The following PTP4A3 variants were observed in gnomAD, a reference collection of about 807,000 sequenced individuals.
PTP4A3 encodes the protein protein tyrosine phosphatase type IVA 3.
A neutral mutation model predicts 15.2 loss-of-function variants in PTP4A3; 9 were observed. The observed-to-expected ratio is 0.59, with a 90% CI of 0.36 to 1.03. The LOEUF (loss-of-function observed/expected upper bound fraction) is 1.03. PTP4A3 is among the 50% of genes least tolerant of loss of function. The pLI is 0.02. For missense variants in PTP4A3, 234 were observed against 252.1 expected (o/e 0.93, Z 0.49); for synonymous variants, 95 against 102.0 (o/e 0.93, Z 0.41).
chr8:141,407,838 A>T (rs1832768317), intron 1 of PTP4A3, among the ~76,000 whole-genome samples: 1 of 152,194 alleles, frequency 6.6e-6, no homozygotes, highest in South Asian at 2.1e-4. Flanking sequence ...AAGTGGTAAG[A>T]TGACAGGCGT....
intron 1 of PTP4A3, among the ~76,000 whole-genome samples, chr8:141,412,115 C>T (rs900452405): frequency 2.0e-5 from 3 of 152,176 alleles, no homozygotes; most frequent in Admixed American, 2.0e-4. Context: ...CAGGGAGGGG[C>T]GTCATGGGTA....
At chr8:141,426,665 C>G in intron 3 of PTP4A3, 1 of 985,372 alleles carries the variant, frequency 1.0e-6, no homozygotes, top group Non-Finnish European at 1.2e-6. Context: ...CTGGAGCAGG[C>G]TCTATTCAGA....
At chr8:141,429,325 G>A (rs2130357289) in intron 5 of PTP4A3, among the ~76,000 whole-genome samples, 1 of 152,384 alleles carries the variant, frequency 6.6e-6, no homozygotes, top group Admixed American at 6.5e-5. Context: ...CCACGCCTGA[G>A]GTCATGGCAG....
chr8:141,424,361 G>T (rs1470792280), intron 2 of PTP4A3, among the ~76,000 whole-genome samples: 4 of 152,144 alleles, frequency 2.6e-5, no homozygotes, highest in Non-Finnish European at 5.9e-5. Context: ...TTCCCTGGTC[G>T]TGTGGGGCTT....
At chr8:141,409,632 C>G (rs1421180837) in intron 1 of PTP4A3, among the ~76,000 whole-genome samples, 2 of 152,234 alleles carry the variant, frequency 1.3e-5, no homozygotes, top group East Asian at 1.9e-4. Flanking sequence ...CTGGCCCCTC[C>G]CTGGTGTGTT....
chr8:141,402,095 T>C (rs1832608828), intron 1 of PTP4A3, among the ~76,000 whole-genome samples: 2 of 151,460 alleles, frequency 1.3e-5, no homozygotes, highest in African/African-American at 4.9e-5. Context: ...GAGAAGGGAG[T>C]TGGGGAGAGG....
At chr8:141,418,287 G>A (rs909896043) in intron 1 of PTP4A3, among the ~76,000 whole-genome samples, 1 of 152,242 alleles carries the variant, frequency 6.6e-6, no homozygotes, top group Non-Finnish European at 1.5e-5. Flanking sequence ...CACAGGGGGC[G>A]CCCTGTCTGA....
At chr8:141,429,509 G>A (rs1833746841) in intron 5 of PTP4A3, among the ~76,000 whole-genome samples, 1 of 151,806 alleles carries the variant, frequency 6.6e-6, no homozygotes, top group Non-Finnish European at 1.5e-5. Context: ...TGAGCACATA[G>A]CCCAGGTCCC....
At chr8:141,424,891 G>C (rs942958188) in intron 2 of PTP4A3, among the ~76,000 whole-genome samples, 157 bp from the exon 3 acceptor site, 1 of 152,002 alleles carries the variant, frequency 6.6e-6, no homozygotes, top group African/African-American at 2.4e-5. Flanking sequence ...GGACTGAGGG[G>C]ACAGGGCTCC....
At chr8:141,400,530 G>T (rs1832564522) in intron 1 of PTP4A3, among the ~76,000 whole-genome samples, 1 of 152,208 alleles carries the variant, frequency 6.6e-6, no homozygotes. Context: ...CTCTGGGTCT[G>T]GTCAGATGCT....
chr8:141,415,773 G>A (rs1833026277), intron 1 of PTP4A3, among the ~76,000 whole-genome samples: 1 of 140,736 alleles, frequency 7.1e-6, no homozygotes, highest in Non-Finnish European at 1.6e-5. Context: ...GGTGTGGGGT[G>A]GGGTGGGGAG....
chr8:141,406,412 C>T lies in PTP4A3; in HGVS notation c.-854+14328C>T, dbSNP rs1329517183. 3.3e-5 allele frequency among the ~76,000 whole-genome samples: 5 copies of T among 152,052 alleles called. No homozygotes were observed. Among genetic ancestry groups the T allele is most frequent in the African/African-American group, 1.2e-4 (5 of 41,392 alleles). On this transcript the variant is annotated intron_variant, in intron 1 of 5. Transcript: ENST00000521578. This position sits in a 1 kb window ranked among gnomAD's most constrained non-coding sequence, Gnocchi z 4.5. ...CTGGGGTTTCCCCTGGGAAGTCCTG[C>T]CGTCCTCTTTCTGCTGCCACCCAGA...
At chr8:141,426,669 A>G in intron 3 of PTP4A3, 1 of 985,360 alleles carries the variant, frequency 1.0e-6, no homozygotes, top group Non-Finnish European at 1.2e-6. Context: ...AGCAGGCTCT[A>G]TTCAGAAAGG....
intron 3 of PTP4A3, 44 bp from the exon 4 acceptor site, chr8:141,426,895 A>ACCCT: frequency 1.3e-6 from 2 of 1,594,084 alleles, no homozygotes; most frequent in Non-Finnish European, 1.7e-6. Context: ...CCGCCTCTCT[A>ACCCT]CCCTCCCTCA....
At chr8:141,396,761 T>C (rs969144902) in intron 1 of PTP4A3, among the ~76,000 whole-genome samples, 1 of 152,170 alleles carries the variant, frequency 6.6e-6, no homozygotes, top group African/African-American at 2.4e-5. Flanking sequence ...TGTCACCTTC[T>C]GAGTCTCAGT....
intron 1 of PTP4A3, among the ~76,000 whole-genome samples, chr8:141,401,035 C>T (rs187503431): frequency 6.6e-5 from 10 of 152,212 alleles, no homozygotes; most frequent in African/African-American, 2.4e-4. Context: ...CTCCTGGGGA[C>T]CCAGGACCTG....
At chr8:141,429,383 C>T (rs1327416617) in intron 5 of PTP4A3, among the ~76,000 whole-genome samples, 1 of 152,272 alleles carries the variant, frequency 6.6e-6, no homozygotes, top group Non-Finnish European at 1.5e-5. Flanking sequence ...AGCCCCCGCC[C>T]CTCAACGCCT....
chr8:141,392,789 C>T (rs1163877727), intron 1 of PTP4A3, among the ~76,000 whole-genome samples: 3 of 152,204 alleles, frequency 2.0e-5, no homozygotes, highest in Non-Finnish European at 4.4e-5. Flanking sequence ...GCAGTTTCAC[C>T]CTGCCGGTTC....
rs960951219 is a variant in PTP4A3 at position 141,425,835 on chromosome 8, T to G, written c.198+695T>G. Among the ~76,000 whole-genome samples, 2 of 152,176 alleles carry G rather than the reference T, an allele frequency of 1.3e-5. No homozygotes were observed. The highest frequency in any genetic ancestry group is 2.9e-5 in the Non-Finnish European group (2 of 68,004). ...GTTTTGTGACCTCAGCTTGGCGGTT[T>G]GGAATGGTGGCAGCGCTGGCGGTTT... is the stretch of plus-strand genomic sequence containing the variant. On this transcript the variant is annotated intron_variant, in intron 3 of 5. Transcript: ENST00000521578. This position sits in a 1 kb window ranked among gnomAD's most constrained non-coding sequence, Gnocchi z 4.2.
Sources: allele counts gnomAD v4.1 joint callset (sites outside exome capture counted in the v4.1 genomes callset), GRCh38; gene constraint gnomAD v4.1.1; non-coding constraint Gnocchi (gnomAD v3.1); transcripts MANE v1.5; gene names NCBI Gene and HGNC (gene_info 2026-07-23, HGNC 2026-07-21).